The following APAF1 variants were observed in gnomAD, a reference collection of about 807,000 sequenced individuals.
APAF1 encodes apoptotic protease-activating factor 1.
Under a neutral mutation model 152.4 loss-of-function variants are expected in APAF1, and 91 were observed. That is an observed-to-expected ratio of 0.60 (90% CI 0.50 to 0.71). The LOEUF is 0.71. Ranked by LOEUF, APAF1 falls within the 30% of genes least tolerant of loss-of-function variation. The pLI is 0.00. For missense variants in APAF1, 1,283 were observed against 1,472.0 expected (o/e 0.87, Z 2.10); for synonymous variants, 484 against 494.1 (o/e 0.98, Z 0.27).
intron 4 of APAF1, among the ~76,000 whole-genome samples, chr12:98,656,140 C>G (rs1221522011): frequency 6.6e-6 from 1 of 151,986 alleles, no homozygotes; most frequent in Non-Finnish European, 1.5e-5. Context: ...GTTGCTCAGG[C>G]TGGTCTCGAA....
At chr12:98,725,621 G>T in intron 25 of APAF1, 81 bp downstream of exon 25, 2 of 1,591,656 alleles carry the variant, frequency 1.3e-6, no homozygotes, top group Non-Finnish European at 1.7e-6. Flanking sequence ...CTTTGTTCAC[G>T]GGCCAGGGAA....
intron 16 of APAF1, among the ~76,000 whole-genome samples, chr12:98,690,259 G>T (rs758632038): frequency 2.0e-5 from 3 of 152,134 alleles, no homozygotes; most frequent in Non-Finnish European, 4.4e-5. Context: ...TTTCTGGGTA[G>T]AATTCTACTT....
At chr12:98,712,960 G>A (rs1436133843) in intron 21 of APAF1, among the ~76,000 whole-genome samples, 5 of 151,704 alleles carry the variant, frequency 3.3e-5, no homozygotes, top group Non-Finnish European at 7.4e-5. Flanking sequence ...TGGGACTTCA[G>A]GTATGCACCA....
chr12:98,661,320 A>G (rs1565860452), intron 5 of APAF1, among the ~76,000 whole-genome samples: 1 of 152,140 alleles, frequency 6.6e-6, no homozygotes. Flanking sequence ...CAAAATTAAA[A>G]TTGACTTCTG....
intron 16 of APAF1, among the ~76,000 whole-genome samples, chr12:98,689,185 T>C (rs2097701351): frequency 6.6e-6 from 1 of 152,186 alleles, no homozygotes; most frequent in Non-Finnish European, 1.5e-5. Context: ...TGGGATGACT[T>C]CTAAGGTTCT....
rs2153344719 is a variant in APAF1 at position 98,725,489 on chromosome 12, C to T, written c.3405C>T (p.Phe1135=). The change falls in exon 25 of 27, where the codon TTC becomes TTT. Residue 1135 remains phenylalanine (F), a synonymous_variant. Transcript: ENST00000551964. The part of the protein sequence containing the change: ...GHNGCVRCSA[F]SVDSTLLATG... Reference sequence around the variant, plus strand: ...ACGGCTGTGTGCGCTGCTCTGCCTTCTCTGTGGACAGTACCCTGCTGGCAA... The same window carrying T: ...ACGGCTGTGTGCGCTGCTCTGCCTTTTCTGTGGACAGTACCCTGCTGGCAA... The T allele has an allele frequency of 6.2e-7, 1 of 1,614,154 alleles. No homozygotes were observed. The highest frequency in any genetic ancestry group is 1.3e-5 in the African/African-American group (1 of 75,036).
intron 15 of APAF1, among the ~76,000 whole-genome samples, chr12:98,685,969 T>C (rs2097697615): frequency 6.6e-6 from 1 of 152,208 alleles, no homozygotes; most frequent in African/African-American, 2.4e-5. Flanking sequence ...GTCCTAAATA[T>C]GTCATTTCAC....
intron 16 of APAF1, among the ~76,000 whole-genome samples, chr12:98,693,858 G>C (rs1472588532): frequency 1.3e-5 from 2 of 148,612 alleles, no homozygotes; most frequent in Non-Finnish European, 3.0e-5. Flanking sequence ...ATCTCCTCTA[G>C]CTTCCTAAGA....
At chr12:98,679,480 C>G (rs1247787278) in intron 13 of APAF1, among the ~76,000 whole-genome samples, 1 of 152,248 alleles carries the variant, frequency 6.6e-6, no homozygotes, top group African/African-American at 2.4e-5. Context: ...CACATTCTTC[C>G]TGGTTGTAGG....
chr12:98,657,634 A>T (rs1593026971), intron 4 of APAF1, among the ~76,000 whole-genome samples: 1 of 152,324 alleles, frequency 6.6e-6, no homozygotes, highest in East Asian at 1.9e-4. Flanking sequence ...CTGCAATGGG[A>T]TAGTAGGTTA....
chr12:98,723,480 G>A (rs1254415180), intron 23 of APAF1, among the ~76,000 whole-genome samples, 159 bp from the exon 24 acceptor site: 2 of 151,806 alleles, frequency 1.3e-5, no homozygotes, highest in Non-Finnish European at 2.9e-5. Context: ...TGTGTTTAAT[G>A]AGCATTTATA....
chr12:98,659,617 T>C (rs534742764), intron 5 of APAF1, among the ~76,000 whole-genome samples: 1 of 152,180 alleles, frequency 6.6e-6, no homozygotes, highest in South Asian at 2.1e-4. Flanking sequence ...CAGGTGTTGG[T>C]GGCTCATGCC....
At chr12:98,652,705 C>G (rs1022635121) in intron 4 of APAF1, among the ~76,000 whole-genome samples, 4 of 152,106 alleles carry the variant, frequency 2.6e-5, no homozygotes, top group African/African-American at 9.7e-5. Flanking sequence ...TGGCTCACCA[C>G]AATCTCTGCT....
At chr12:98,653,651 C>T (rs56248141) in intron 4 of APAF1, among the ~76,000 whole-genome samples, 7,648 of 69,746 alleles carry the variant, frequency 0.11, 372 homozygotes, top group Middle Eastern at 0.17. Context: ...AGTGAGATGC[C>T]GTCTCAAAAA....
chr12:98,696,336 G>T (rs1262618497), intron 16 of APAF1, among the ~76,000 whole-genome samples: 1 of 152,130 alleles, frequency 6.6e-6, no homozygotes, highest in Non-Finnish European at 1.5e-5. Context: ...AACCCAGGAA[G>T]CCAGACTGTT....
At chr12:98,703,773 A>G (rs1175248533) in intron 18 of APAF1, among the ~76,000 whole-genome samples, 1 of 152,236 alleles carries the variant, frequency 6.6e-6, no homozygotes, top group African/African-American at 2.4e-5. Context: ...TGGGAAAACA[A>G]TGGAATGACT....
Position 98,686,886 on chromosome 12 carries a change from A to G in APAF1, c.2304+13A>G. 6.2e-7 allele frequency: 1 copy of G among 1,613,116 alleles called. No individual in the cohort carries two copies. Among genetic ancestry groups the G allele is most frequent in the South Asian group, 1.1e-5 (1 of 90,998 alleles). ...TGGAACCTTAAAGGTATGCTTTTGT[A>G]CACTATTAAAATAGGTTGTATTTTA... On this transcript the variant is annotated intron_variant, in intron 16 of 26. Transcript: ENST00000551964.
chr12:98,679,443 T>C (rs922932932), intron 13 of APAF1, among the ~76,000 whole-genome samples: 9 of 152,246 alleles, frequency 5.9e-5, no homozygotes, highest in African/African-American at 1.9e-4. Context: ...CCTGTTTGTC[T>C]TGCTCACCTT....
At chr12:98,694,451 A>AT (rs758052483) in intron 16 of APAF1, among the ~76,000 whole-genome samples, 2 of 151,748 alleles carry the variant, frequency 1.3e-5, no homozygotes, top group African/African-American at 2.4e-5. Flanking sequence ...CTGGATTAAA[A>AT]TTTTTTTTCC....
Sources: allele counts gnomAD v4.1 joint callset (sites outside exome capture counted in the v4.1 genomes callset), GRCh38; gene constraint gnomAD v4.1.1; transcripts MANE v1.5; gene names NCBI Gene and HGNC (gene_info 2026-07-23, HGNC 2026-07-21).